ASIC2: variants seen among roughly 807,000 people sequenced by gnomAD.
ASIC2 encodes acid-sensing ion channel 2.
A neutral mutation model predicts 57.3 loss-of-function variants in ASIC2; 25 were observed. The ratio of observed to expected loss-of-function variants is 0.44; its 90% CI spans 0.32 to 0.61. The LOEUF (loss-of-function observed/expected upper bound fraction) is 0.61, where lower values mean the gene tolerates loss of function less well. Among genes scored for constraint, ASIC2 ranks in the 20% least tolerant of loss-of-function variants. ASIC2 has a pLI of 0.06. For synonymous variants in ASIC2, 319 were observed against 307.5 expected, an observed-to-expected ratio of 1.04 and a Z score of -0.39; for missense variants, 641 against 738.1, an observed-to-expected ratio of 0.87 and a Z score of 1.52.
intron 3 of ASIC2, among the ~76,000 whole-genome samples, chr17:33,077,989 T>G (rs2092096729): frequency 6.6e-6 from 1 of 151,598 alleles, no homozygotes. Flanking sequence ...TTTCCCCCTT[T>G]AAAAAAAAGT....
At chr17:33,830,473 T>G (rs1487439717) in intron 1 of ASIC2, among the ~76,000 whole-genome samples, 1 of 152,198 alleles carries the variant, frequency 6.6e-6, no homozygotes, top group East Asian at 1.9e-4. Context: ...CTCCCATCTC[T>G]AACAGCTAAG....
chr17:34,071,521 G>A (rs1023252833), intron 1 of ASIC2: 5 of 152,068 alleles, frequency 3.3e-5, no homozygotes, highest in Non-Finnish European at 7.3e-5. Flanking sequence ...GAGATAGAAG[G>A]AAGAAACGAA....
intron 1 of ASIC2, among the ~76,000 whole-genome samples, chr17:33,751,906 G>A (rs1910446085): frequency 8.0e-6 from 1 of 124,512 alleles, no homozygotes; most frequent in African/African-American, 3.1e-5. Context: ...AGGCTTTGGA[G>A]CTTTCCTCAG....
At chr17:33,727,646 C>T (rs772702693) in intron 1 of ASIC2, among the ~76,000 whole-genome samples, 3 of 152,220 alleles carry the variant, frequency 2.0e-5, no homozygotes, top group Non-Finnish European at 4.4e-5. Context: ...TTCCCCCACA[C>T]CTTCTACCAT....
chr17:33,553,643 G>A (rs927737726), intron 1 of ASIC2, among the ~76,000 whole-genome samples: 1 of 152,116 alleles, frequency 6.6e-6, no homozygotes, highest in African/African-American at 2.4e-5. Flanking sequence ...AGCTGAGAAA[G>A]CTTCTTTAAT....
intron 1 of ASIC2, among the ~76,000 whole-genome samples, chr17:33,576,226 T>C (rs1916616519): frequency 6.6e-6 from 1 of 152,190 alleles, no homozygotes; most frequent in African/African-American, 2.4e-5. Context: ...CCTGATTCCT[T>C]GCACTTGTGC....
chr17:33,579,280 G>C (rs144061811), intron 1 of ASIC2, among the ~76,000 whole-genome samples: 5 of 107,406 alleles, frequency 4.7e-5, no homozygotes, highest in African/African-American at 1.1e-4. Flanking sequence ...GAATGAAACT[G>C]TGTCTCAAAA....
chr17:33,198,316 C>T (rs996186067), intron 1 of ASIC2, among the ~76,000 whole-genome samples: 3 of 152,230 alleles, frequency 2.0e-5, no homozygotes, highest in Non-Finnish European at 4.4e-5. Flanking sequence ...TGCACCACTG[C>T]ACTCCAGTCT....
intron 1 of ASIC2, among the ~76,000 whole-genome samples, chr17:33,760,560 C>T (rs1910750423): frequency 6.6e-6 from 1 of 150,998 alleles, no homozygotes; most frequent in South Asian, 2.1e-4. Context: ...TATAAACAAA[C>T]ATAGCAAAAT....
chr17:33,126,854 C>CTAT (rs2092324933), intron 1 of ASIC2, among the ~76,000 whole-genome samples: 2 of 85,974 alleles, frequency 2.3e-5, no homozygotes, highest in Non-Finnish European at 4.4e-5. Context: ...CCTACCATTA[C>CTAT]TCTTTTTTTT....
At chr17:34,092,081 C>T (rs1314613269) in intron 1 of ASIC2, among the ~76,000 whole-genome samples, 1 of 152,106 alleles carries the variant, frequency 6.6e-6, no homozygotes, top group Non-Finnish European at 1.5e-5. Context: ...GAACTGTGGG[C>T]AGAAAATTCT....
chr17:33,687,043 T>C (rs1323405636), intron 1 of ASIC2, among the ~76,000 whole-genome samples: 1 of 152,224 alleles, frequency 6.6e-6, no homozygotes, highest in African/African-American at 2.4e-5. Context: ...GTTTTTCTAT[T>C]GACTGTGTGT....
intron 1 of ASIC2, among the ~76,000 whole-genome samples, chr17:33,937,929 A>G (rs1212260194): frequency 6.6e-6 from 1 of 152,230 alleles, no homozygotes; most frequent in Non-Finnish European, 1.5e-5. Flanking sequence ...CAACATTGCC[A>G]TTAACTTACT....
chr17:33,614,855 T>A (rs921492642), intron 1 of ASIC2, among the ~76,000 whole-genome samples: 2 of 152,238 alleles, frequency 1.3e-5, no homozygotes, highest in Admixed American at 1.3e-4. Flanking sequence ...GGTTTATATC[T>A]CAACTCTGCC....
chr17:33,263,250 C>A (rs935269394), intron 1 of ASIC2, among the ~76,000 whole-genome samples: 2 of 152,170 alleles, frequency 1.3e-5, no homozygotes, highest in Non-Finnish European at 2.9e-5. Context: ...ATGATTCACC[C>A]GCTGTCTCTC....
chr17:33,911,817 G>A (rs533333608), intron 1 of ASIC2, among the ~76,000 whole-genome samples: 19 of 152,150 alleles, frequency 1.2e-4, no homozygotes, highest in South Asian at 4.2e-4. Context: ...CAATCATTTC[G>A]CATTTTAAAA....
At chr17:33,728,382 A>G (rs1234963756) in intron 1 of ASIC2, among the ~76,000 whole-genome samples, 1 of 151,936 alleles carries the variant, frequency 6.6e-6, no homozygotes, top group African/African-American at 2.4e-5. Flanking sequence ...CCCCTACCCT[A>G]TCCTGCTCTT....
intron 1 of ASIC2, among the ~76,000 whole-genome samples, chr17:33,232,939 C>G (rs532109122): frequency 1.4e-4 from 21 of 152,176 alleles, no homozygotes; most frequent in Non-Finnish European, 2.6e-4. Context: ...TGGTGGGCAC[C>G]AAGAGATGCC....
At chr17:33,755,134 G>A (rs1011202607) in intron 1 of ASIC2, among the ~76,000 whole-genome samples, 1 of 152,164 alleles carries the variant, frequency 6.6e-6, no homozygotes, top group Admixed American at 6.5e-5. Context: ...GAGGGCAGAG[G>A]AAGGCAGGGG....
Sources: gnomAD v4.1 joint callset for allele counts (sites outside exome capture counted in the v4.1 genomes callset) on GRCh38, gnomAD v4.1.1 for gene constraint, MANE v1.5 for transcripts, NCBI Gene and HGNC (gene_info 2026-07-23, HGNC 2026-07-21) for gene names.